TMEM117: variants seen among roughly 807,000 people sequenced by gnomAD.
TMEM117 encodes the protein transmembrane protein 117.
TMEM117 carries 27 observed loss-of-function variants against 52.4 expected under a neutral mutation model. The observed-to-expected ratio is 0.51, with a 90% CI of 0.38 to 0.71. The LOEUF (loss-of-function observed/expected upper bound fraction) is 0.71, where lower values mean the gene tolerates loss of function less well. Ranked by LOEUF, TMEM117 falls within the 30% of genes least tolerant of loss-of-function variation. The probability of loss-of-function intolerance (pLI) is 0.00; values close to 1 mark genes in which losing one functional copy is unlikely to be tolerated. For synonymous variants in TMEM117, 215 were observed against 206.3 expected, an observed-to-expected ratio of 1.04 and a Z score of -0.36; for missense variants, 556 against 630.5, an observed-to-expected ratio of 0.88 and a Z score of 1.26.
chr12:44,331,625 G>A (rs748263894), intron 6 of TMEM117, among the ~76,000 whole-genome samples: 4 of 152,070 alleles, frequency 2.6e-5, no homozygotes, highest in Non-Finnish European at 5.9e-5. Flanking sequence ...AGATAGCAGG[G>A]TGATTGTTCA....
At chr12:44,039,343 A>T (rs842203) in intron 3 of TMEM117, among the ~76,000 whole-genome samples, 1,706 of 150,492 alleles carry the variant, frequency 0.011, 37 homozygotes, top group African/African-American at 0.04. Flanking sequence ...CTATACCCTT[A>T]TAGTAAATTA....
the TMEM117 span, among the ~76,000 whole-genome samples, chr12:43,818,376 C>G: frequency 6.6e-6 from 1 of 151,882 alleles, no homozygotes; most frequent in African/African-American, 2.4e-5. Flanking sequence ...ACTCCCACAC[C>G]CCACCCACCT....
chr12:44,017,326 C>CT (rs79007657), intron 3 of TMEM117, among the ~76,000 whole-genome samples: 6,456 of 97,096 alleles, frequency 0.066, 253 homozygotes, highest in African/African-American at 0.096. Flanking sequence ...TCTTTCTTTC[C>CT]TTTTTTTTTT....
chr12:44,036,128 G>T (rs577444411), intron 3 of TMEM117, among the ~76,000 whole-genome samples: 1 of 152,102 alleles, frequency 6.6e-6, no homozygotes, highest in Non-Finnish European at 1.5e-5. Flanking sequence ...CTCAGTGGTT[G>T]TCATCTCACA....
At chr12:44,241,459 T>C (rs1330251134) in intron 5 of TMEM117, among the ~76,000 whole-genome samples, 2 of 151,984 alleles carry the variant, frequency 1.3e-5, no homozygotes, top group Non-Finnish European at 2.9e-5. Flanking sequence ...ATAATTTTCT[T>C]ATTATTTGGT....
At chr12:43,915,846 T>A (rs1252851357) in intron 2 of TMEM117, among the ~76,000 whole-genome samples, 1 of 152,080 alleles carries the variant, frequency 6.6e-6, no homozygotes, top group Non-Finnish European at 1.5e-5. Context: ...ACACTTTTTT[T>A]ATTTTTATTT....
chr12:44,104,343 T>A (rs528211140), intron 3 of TMEM117, among the ~76,000 whole-genome samples: 2 of 152,064 alleles, frequency 1.3e-5, no homozygotes, highest in South Asian at 4.1e-4. Context: ...TTAACAAATA[T>A]TTTGAGCATA....
chr12:44,150,147 T>C (rs1394815494), intron 4 of TMEM117, among the ~76,000 whole-genome samples: 2 of 152,198 alleles, frequency 1.3e-5, no homozygotes, highest in Non-Finnish European at 2.9e-5. Flanking sequence ...TCATTACTTA[T>C]ACAGTGAAAA....
chr12:43,816,736 T>C, the TMEM117 span, among the ~76,000 whole-genome samples: 1 of 152,244 alleles, frequency 6.6e-6, no homozygotes, highest in Non-Finnish European at 1.5e-5. Context: ...CTTTTAAAAT[T>C]AACTGCACTA....
At chr12:43,824,349 A>G in the TMEM117 span, among the ~76,000 whole-genome samples, 1 of 152,184 alleles carries the variant, frequency 6.6e-6, no homozygotes, top group East Asian at 1.9e-4. Context: ...GAGGGAATCT[A>G]TCCCTATTGG....
At chr12:43,801,750 T>C in the TMEM117 span, among the ~76,000 whole-genome samples, 3 of 152,018 alleles carry the variant, frequency 2.0e-5, no homozygotes, top group East Asian at 1.9e-4. Context: ...ACAAATTAGG[T>C]TGGACACAGT....
In TMEM117 at chr12:43,883,211, G is replaced by A. The variant is rs187880626; in HGVS notation, c.277+38283G>A. ...GAGGAAGAAGAGGTATAATAAATAAGCCCTATTACATTTTCTCAAGAAGTG... is the reference window on the plus strand; with the variant it reads ...GAGGAAGAAGAGGTATAATAAATAAACCCTATTACATTTTCTCAAGAAGTG... On this transcript the variant is annotated intron_variant, in intron 2 of 7. Coordinates refer to ENST00000266534, the MANE Select transcript of TMEM117 (RefSeq NM_032256.3). Among the ~76,000 whole-genome samples the A allele has an allele frequency of 5.9e-5, 9 of 152,242 alleles. No homozygotes were observed. The East Asian group carries it at 1.7e-3, about 29-fold the overall frequency.
chr12:44,298,053 A>T (rs564836186), intron 5 of TMEM117, among the ~76,000 whole-genome samples: 1 of 142,992 alleles, frequency 7.0e-6, no homozygotes, highest in African/African-American at 3.0e-5. Context: ...ATTTTCTAAA[A>T]TTTTAAAAAA....
intron 3 of TMEM117, among the ~76,000 whole-genome samples, chr12:43,981,274 C>T (rs1218290559): frequency 6.6e-6 from 1 of 152,098 alleles, no homozygotes; most frequent in Admixed American, 6.5e-5. Flanking sequence ...GCTTTTCTGA[C>T]CATTTTATTT....
intron 5 of TMEM117, chr12:44,244,443 T>A (rs528591897): frequency 5.9e-5 from 9 of 152,062 alleles, no homozygotes; most frequent in Admixed American, 5.2e-4. Flanking sequence ...AATCCAATAA[T>A]TTTTATTCTA....
At chr12:44,079,223 T>C (rs1435056071) in intron 3 of TMEM117, among the ~76,000 whole-genome samples, 1 of 152,204 alleles carries the variant, frequency 6.6e-6, no homozygotes, top group Non-Finnish European at 1.5e-5. Flanking sequence ...TTTGGGTATA[T>C]ACCCGGTAAT....
intron 6 of TMEM117, among the ~76,000 whole-genome samples, chr12:44,362,155 A>G (rs552381180): frequency 6.6e-6 from 1 of 151,974 alleles, no homozygotes; most frequent in East Asian, 1.9e-4. Flanking sequence ...TTTGCAAAAC[A>G]TATCACCACG....
chr12:44,276,738 T>C (rs1950516146), intron 5 of TMEM117, among the ~76,000 whole-genome samples: 1 of 152,188 alleles, frequency 6.6e-6, no homozygotes, highest in South Asian at 2.1e-4. Context: ...AGCATTATGT[T>C]ATATACCATA....
chr12:44,284,695 A>C (rs1950617642), intron 5 of TMEM117, among the ~76,000 whole-genome samples: 1 of 152,240 alleles, frequency 6.6e-6, no homozygotes, highest in African/African-American at 2.4e-5. Context: ...ACCTCAGGTC[A>C]AATAGATGAA....
Sources: allele counts gnomAD v4.1 joint callset (sites outside exome capture counted in the v4.1 genomes callset), GRCh38; gene constraint gnomAD v4.1.1; transcripts MANE v1.5; gene names NCBI Gene and HGNC (gene_info 2026-07-23, HGNC 2026-07-21).